The following TBC1D30 variants were observed in gnomAD, a reference collection of about 807,000 sequenced individuals.
TBC1D30 encodes the protein TBC1 domain family member 30, also known as TBC1 domain family, member 30.
Under a neutral mutation model 63.2 loss-of-function variants are expected in TBC1D30, and 31 were observed. That is an observed-to-expected ratio of 0.49 (90% CI 0.37 to 0.66). The LOEUF is 0.66. Ranked by LOEUF, TBC1D30 falls within the 30% of genes least tolerant of loss-of-function variation. The probability of loss-of-function intolerance (pLI) is 0.00; values close to 1 mark genes in which losing one functional copy is unlikely to be tolerated. For missense variants in TBC1D30, 810 were observed against 953.6 expected (o/e 0.85, Z 1.98); for synonymous variants, 307 against 361.5 (o/e 0.85, Z 1.71).
Position 64,780,960 on chromosome 12 carries a change from G to A in TBC1D30, c.152G>A (p.Arg51Gln), listed in dbSNP as rs547145964. 2,323 of 1,056,390 alleles carry A rather than the reference G, an allele frequency of 2.2e-3. 10 individuals carry two copies. The highest frequency in any genetic ancestry group is 2.5e-3 in the Non-Finnish European group (2,186 of 867,288). The allele number at this position is 1,056,390 out of a possible 1,614,324, so 65.4% of individuals were successfully genotyped here. ...CCGCGCCTCCGGGGAGCGGCGGAGC[G>A]GCCGCGGCGCTCCCGGGACACGTGG... Residue 51 changes from arginine (R) to glutamine (Q), a missense_variant, in exon 1 of 13, where the codon CGG becomes CAG. Physicochemically the swap from Arg to Gln is conservative, Grantham distance 43. Coordinates refer to the TBC1D30 transcript ENST00000542120.
At chr12:64,837,070 G>A (rs968506606) in intron 6 of TBC1D30, among the ~76,000 whole-genome samples, 1 of 152,180 alleles carries the variant, frequency 6.6e-6, no homozygotes, top group Non-Finnish European at 1.5e-5. Flanking sequence ...GTAGCTAAGA[G>A]CCGCTGCTAT....
chr12:64,827,171 C>T (rs752289011), intron 1 of TBC1D30, among the ~76,000 whole-genome samples: 5 of 152,218 alleles, frequency 3.3e-5, no homozygotes, highest in Non-Finnish European at 7.4e-5. Context: ...AAAATGGGGC[C>T]GGGTGCCGTG....
chr12:64,857,983 G>T (rs1877454422), intron 8 of TBC1D30, among the ~76,000 whole-genome samples: 1 of 152,178 alleles, frequency 6.6e-6, no homozygotes, highest in Non-Finnish European at 1.5e-5. Flanking sequence ...TTGGGGAGGG[G>T]TGGCATCCAT....
chr12:64,839,658 G>C (rs1372058864), intron 7 of TBC1D30, among the ~76,000 whole-genome samples: 1 of 152,130 alleles, frequency 6.6e-6, no homozygotes, highest in African/African-American at 2.4e-5. Flanking sequence ...TGTATTTATG[G>C]TAAGTTGTTT....
intron 2 of TBC1D30, among the ~76,000 whole-genome samples, chr12:64,816,782 T>TTCCC (rs1031430894): frequency 6.6e-6 from 1 of 151,996 alleles, no homozygotes; most frequent in African/African-American, 2.4e-5. Context: ...TCTCTTTTCT[T>TTCCC]TCCCTCCCTC....
At chr12:64,779,446 C>T (rs577497822), upstream of TBC1D30, 58 of 152,028 alleles carry the variant, frequency 3.8e-4, 1 homozygote, top group Admixed American at 2.6e-3. Context: ...TTTAAAATTC[C>T]GAATACCTAA....
intron 8 of TBC1D30, among the ~76,000 whole-genome samples, chr12:64,863,245 T>G (rs992081285): frequency 6.6e-6 from 1 of 152,212 alleles, no homozygotes; most frequent in African/African-American, 2.4e-5. Flanking sequence ...TTCTCCCTGA[T>G]CTTATTCCCA....
At position 64,866,880 on chromosome 12, in the gene TBC1D30, A is replaced by G; in HGVS notation, c.1268A>G (p.Gln423Arg). 1 of 1,536,196 alleles carries G rather than the reference A, an allele frequency of 6.5e-7. No individual in the cohort carries two copies. Among genetic ancestry groups the G allele is most frequent in the Non-Finnish European group, 8.7e-7 (1 of 1,146,926 alleles). ...AGTGGGTTCCTGGCTCCTGAACTGC[A>G]GAAGTACCAAAAACAAATTAAAGGT... The part of the protein sequence containing the change: ...PFSGFLAPEL[Q>R]KYQKQIKEPN... The change falls in exon 10 of 12, where the codon CAG (glutamine) becomes CGG (arginine). Residue 423 changes from glutamine (Q) to arginine (R), a missense_variant. Coordinates refer to ENST00000539867, the MANE Select transcript of TBC1D30 (RefSeq NM_015279.2).
At chr12:64,784,158 G>A (rs1871432358) in intron 1 of TBC1D30, among the ~76,000 whole-genome samples, 1 of 151,724 alleles carries the variant, frequency 6.6e-6, no homozygotes, top group South Asian at 2.1e-4. Flanking sequence ...CTTCTTCATG[G>A]TAATTCCTTA....
chr12:64,789,246 G>A (rs758218781), intron 2 of TBC1D30, among the ~76,000 whole-genome samples: 8 of 144,770 alleles, frequency 5.5e-5, no homozygotes, highest in Non-Finnish European at 9.0e-5. Context: ...GTGCAGTGCT[G>A]CAGTCTTGGC....
intron 8 of TBC1D30, among the ~76,000 whole-genome samples, chr12:64,855,411 T>C (rs933377516): frequency 6.6e-6 from 1 of 152,186 alleles, no homozygotes; most frequent in Non-Finnish European, 1.5e-5. Context: ...TTTGAATAAG[T>C]TTCCTATCCC....
intron 9 of TBC1D30, among the ~76,000 whole-genome samples, chr12:64,865,266 T>C (rs1382431969): frequency 6.8e-6 from 1 of 148,128 alleles, no homozygotes; most frequent in African/African-American, 2.5e-5. Context: ...CCAGGGTAAA[T>C]TCCATATGGA....
In TBC1D30 at chr12:64,832,346, AGAGT is replaced by A. The variant is rs1440208400; in HGVS notation, c.594+46_594+49del. The A allele has an allele frequency of 4.7e-6, 7 of 1,503,294 alleles. No homozygotes were observed. In the Admixed American group the frequency reaches 1.4e-4, roughly 31 times the overall value. The allele number at this position is 1,503,294 out of a possible 1,614,324, so 93.1% of individuals were successfully genotyped here. A position where few individuals can be genotyped will look rare whatever the true frequency, so the allele number is the denominator to read the frequency against. On this transcript the variant is annotated intron_variant, in intron 5 of 11. Transcript: ENST00000539867. ...GACAAAGGCCATGGACATTCTTCTG[AGAGT>A]GAGAAATTGGAACCATAATTTCTCT...
At chr12:64,810,795 A>G (rs1298924603) in intron 2 of TBC1D30, among the ~76,000 whole-genome samples, 1 of 152,206 alleles carries the variant, frequency 6.6e-6, no homozygotes, top group Admixed American at 6.5e-5. Flanking sequence ...TTCTCCTGGG[A>G]ATTCCTCCTG....
chr12:64,826,110 A>G (rs1874324893), intron 1 of TBC1D30, among the ~76,000 whole-genome samples: 2 of 151,974 alleles, frequency 1.3e-5, no homozygotes, highest in Admixed American at 6.5e-5. Flanking sequence ...GTTAAAAGTA[A>G]GTGTTTTGTA....
chr12:64,814,662 A>C (rs772087805), intron 2 of TBC1D30, among the ~76,000 whole-genome samples: 1 of 152,196 alleles, frequency 6.6e-6, no homozygotes, highest in Non-Finnish European at 1.5e-5. Context: ...TGTTGTAAGC[A>C]CGGACTAAAG....
At chr12:64,798,026 G>A (rs1430478990) in intron 2 of TBC1D30, among the ~76,000 whole-genome samples, 1 of 152,142 alleles carries the variant, frequency 6.6e-6, no homozygotes, top group East Asian at 1.9e-4. Context: ...TTTTTCATCT[G>A]TAAAATGGAC....
At chr12:64,783,933 C>G (rs375736964) in intron 1 of TBC1D30, among the ~76,000 whole-genome samples, 97 of 134,872 alleles carry the variant, frequency 7.2e-4, no homozygotes, top group African/African-American at 2.5e-3. Flanking sequence ...GCTGGGATTA[C>G]AGGTGTGAGC....
chr12:64,874,877 C>T (rs1878921483), intron 11 of TBC1D30, 124 bp from the exon 12 acceptor site: 3 of 903,038 alleles, frequency 3.3e-6, no homozygotes, highest in African/African-American at 1.7e-5. Flanking sequence ...TCTGCCCCTC[C>T]CTGGGGAACA....
Sources: gnomAD v4.1 joint callset for allele counts (sites outside exome capture counted in the v4.1 genomes callset) on GRCh38, gnomAD v4.1.1 for gene constraint, MANE v1.5 for transcripts, NCBI Gene and HGNC (gene_info 2026-07-23, HGNC 2026-07-21) for gene names.